IL2RA: variants seen among roughly 807,000 people sequenced by gnomAD.
IL2RA encodes the protein interleukin-2 receptor subunit alpha.
In IL2RA, 24 loss-of-function variants were observed where a neutral mutation model predicts 37.8. The ratio of observed to expected loss-of-function variants is 0.63; its 90% CI spans 0.46 to 0.89. The LOEUF is 0.89. IL2RA is among the 40% of genes least tolerant of loss of function. The pLI, the probability that IL2RA is intolerant of heterozygous loss-of-function variation, is 0.00. For missense variants in IL2RA, 319 were observed against 348.6 expected (o/e 0.92, Z 0.68); for synonymous variants, 125 against 114.6 (o/e 1.09, Z -0.58).
In IL2RA at chr10:6,020,913, C is replaced by G. The variant is rs1228996526; in HGVS notation, c.583+565G>C. Among the ~76,000 whole-genome samples, 1 of 147,968 alleles carries G rather than the reference C, an allele frequency of 6.8e-6. No homozygotes were observed. The highest frequency in any genetic ancestry group is 2.5e-5 in the African/African-American group (1 of 40,108). On this transcript the variant is annotated intron_variant, in intron 4 of 7. Transcript: ENST00000379959. This position sits in a 1 kb window ranked among gnomAD's most constrained non-coding sequence, Gnocchi z 5.6. The stretch of plus-strand genomic sequence containing the variant: ...AGCAGGAGACCTCGACATCGGTGGG[C>G]TGAGCATTTGCATGAGTATGTGTGT...
In IL2RA at chr10:6,014,871, C is replaced by T. The variant is rs1839250852; in HGVS notation, c.795-1975G>A. On this transcript the variant is annotated intron_variant, in intron 7 of 7. Transcript: ENST00000379959. This position sits in a 1 kb window ranked among gnomAD's most constrained non-coding sequence, Gnocchi z 4.4. ...GGAGTATGTTATGGACCTGATGACC[C>T]ATATAAGAAGGGAAGAGATATTTTA... is the stretch of plus-strand genomic sequence containing the variant. Among the ~76,000 whole-genome samples, 3 of 151,966 alleles carry T rather than the reference C, an allele frequency of 2.0e-5. No individual in the cohort carries two copies. The highest frequency in any genetic ancestry group is 2.0e-4 in the Admixed American group (3 of 15,252).
rs1172859404 is a variant in IL2RA at position 6,058,112 on chromosome 10, GT to G, written c.64+3975del. Among the ~76,000 whole-genome samples the G allele has an allele frequency of 7.9e-5, 12 of 152,066 alleles. No homozygotes were observed. The highest frequency in any genetic ancestry group is 2.9e-4 in the African/African-American group (12 of 41,398). ...ACTGCACTCCAGCCTGAGTGACAGAGTGAGACCCTGTCTCAAAAAGGAAGAG... is the reference window on the plus strand; with the variant it reads ...ACTGCACTCCAGCCTGAGTGACAGAGGAGACCCTGTCTCAAAAAGGAAGAG... On this transcript the variant is annotated intron_variant, in intron 1 of 7. Coordinates refer to ENST00000379959, the MANE Select transcript of IL2RA (RefSeq NM_000417.3). The surrounding 1 kb of genome is among the most constrained non-coding windows in gnomAD (Gnocchi z 4.2).
chr10:6,026,181 G>T, intron 1 of IL2RA, 156 bp from the exon 2 acceptor site: 1 of 757,968 alleles, frequency 1.3e-6, no homozygotes, highest in Non-Finnish European at 2.2e-6. Context: ...TGCTACCATT[G>T]TTCTTTAGAA....
chr10:6,024,821 T>A (rs1271632410), intron 2 of IL2RA, among the ~76,000 whole-genome samples: 1 of 152,232 alleles, frequency 6.6e-6, no homozygotes. Context: ...AGACGCCATC[T>A]TAACACAATG....
rs943467582 is a variant in IL2RA at position 6,058,402 on chromosome 10, A to G, written c.64+3686T>C. ...ATTTATCAAACTGCCTATTTAAGGCATGCTGTTTTAAGGAAAGTAGCAACT... is the reference window on the plus strand; with the variant it reads ...ATTTATCAAACTGCCTATTTAAGGCGTGCTGTTTTAAGGAAAGTAGCAACT... On this transcript the variant is annotated intron_variant, in intron 1 of 7. Coordinates refer to ENST00000379959, the MANE Select transcript of IL2RA (RefSeq NM_000417.3). This position sits in a 1 kb window ranked among gnomAD's most constrained non-coding sequence, Gnocchi z 4.2. Among the ~76,000 whole-genome samples, 4 of 152,246 alleles carry G rather than the reference A, an allele frequency of 2.6e-5. No homozygotes were observed. Among genetic ancestry groups the G allele is most frequent in the African/African-American group, 2.4e-5 (1 of 41,466 alleles).
At chr10:6,013,494 C>G (rs1839225691) in intron 7 of IL2RA, among the ~76,000 whole-genome samples, 1 of 152,146 alleles carries the variant, frequency 6.6e-6, no homozygotes, top group African/African-American at 2.4e-5. Context: ...CCCTACTTTG[C>G]ACAGAGTTCC....
Position 6,062,155 on chromosome 10 carries a change from C to A in IL2RA, c.-4G>T. The A allele has an allele frequency of 1.2e-6, 2 of 1,613,642 alleles. No individual in the cohort carries two copies. Among genetic ancestry groups the A allele is most frequent in the Non-Finnish European group, 1.7e-6 (2 of 1,179,574 alleles). ...ACATCAGCAGGTATGAATCCATCTT[C>A]CTGACCCTTGGGACCAGCCGGGGCA... On this transcript the variant is annotated 5_prime_UTR_variant, in exon 1 of 8. Transcript: ENST00000379959.
At position 6,044,398 on chromosome 10, in the gene IL2RA, T is replaced by A. The variant is rs189498260; in HGVS notation, c.64+17690A>T. On this transcript the variant is annotated intron_variant, in intron 1 of 7. Transcript: ENST00000379959. The surrounding 1 kb of genome is among the most constrained non-coding windows in gnomAD (Gnocchi z 4.5). Reference sequence around the variant, plus strand: ...GTAGGTCAGGGCAGTTTTGCATTCATATTTATATCTGCTTTTAATTACACG... The same window carrying A: ...GTAGGTCAGGGCAGTTTTGCATTCAAATTTATATCTGCTTTTAATTACACG... Among the ~76,000 whole-genome samples, 2 of 152,380 alleles carry A rather than the reference T, an allele frequency of 1.3e-5. No individual in the cohort carries two copies. The highest frequency in any genetic ancestry group is 4.8e-5 in the African/African-American group (2 of 41,596).
In IL2RA at chr10:6,044,146, C is replaced by A. The variant is rs1055331717; in HGVS notation, c.64+17942G>T. Among the ~76,000 whole-genome samples the A allele has an allele frequency of 1.3e-5, 2 of 152,216 alleles. No homozygotes were observed. The highest frequency in any genetic ancestry group is 2.4e-5 in the African/African-American group (1 of 41,434). On this transcript the variant is annotated intron_variant, in intron 1 of 7. Transcript: ENST00000379959. The surrounding 1 kb of genome is among the most constrained non-coding windows in gnomAD (Gnocchi z 4.5). ...AGCTGAATTCAACACAATGATTAAGCCTAGAGCATCTTCCTAGAGAAGGTG... is the reference window on the plus strand; with the variant it reads ...AGCTGAATTCAACACAATGATTAAGACTAGAGCATCTTCCTAGAGAAGGTG...
At position 6,048,182 on chromosome 10, in the gene IL2RA, G is replaced by A. The variant is rs1839896068; in HGVS notation, c.64+13906C>T. ...ACAGGAAGGCTGTCATGGGAGTCCTGAGGTGGGTGGTGATAAGTAAGCAAG... is the reference window on the plus strand; with the variant it reads ...ACAGGAAGGCTGTCATGGGAGTCCTAAGGTGGGTGGTGATAAGTAAGCAAG... On this transcript the variant is annotated intron_variant, in intron 1 of 7. Transcript: ENST00000379959. The surrounding 1 kb of genome is among the most constrained non-coding windows in gnomAD (Gnocchi z 5.3). 6.6e-6 allele frequency among the ~76,000 whole-genome samples: 1 copy of A among 152,274 alleles called. No individual in the cohort carries two copies.
At chr10:6,013,831 A>AT (rs1839231678) in intron 7 of IL2RA, among the ~76,000 whole-genome samples, 5 of 94,204 alleles carry the variant, frequency 5.3e-5, no homozygotes, top group African/African-American at 8.9e-5. Context: ...TAAATATTTT[A>AT]ATTTTTTTTT....
chr10:6,019,055 C>T (rs1032442153), intron 6 of IL2RA, among the ~76,000 whole-genome samples: 2 of 152,032 alleles, frequency 1.3e-5, no homozygotes, highest in Non-Finnish European at 2.9e-5. Context: ...AACCCACCAA[C>T]CAACCTATCA....
In IL2RA at chr10:6,044,423, G is replaced by T. The variant is rs1399582688; in HGVS notation, c.64+17665C>A. ...TATTTATATCTGCTTTTAATTACAC[G>T]CAGTTTAAGGGGCAGTTTGCAGAAA... On this transcript the variant is annotated intron_variant, in intron 1 of 7. Coordinates refer to ENST00000379959, the MANE Select transcript of IL2RA (RefSeq NM_000417.3). This position sits in a 1 kb window ranked among gnomAD's most constrained non-coding sequence, Gnocchi z 4.5. Among the ~76,000 whole-genome samples, 3 of 152,184 alleles carry T rather than the reference G, an allele frequency of 2.0e-5. No homozygotes were observed. The highest frequency in any genetic ancestry group is 4.4e-5 in the Non-Finnish European group (3 of 68,036).
intron 1 of IL2RA, among the ~76,000 whole-genome samples, chr10:6,051,166 C>A (rs1839948866): frequency 6.6e-6 from 1 of 151,956 alleles, no homozygotes; most frequent in Non-Finnish European, 1.5e-5. Flanking sequence ...AGAGGTGCTA[C>A]CACAAGGACC....
rs1421913425 is a variant in IL2RA at position 6,028,216 on chromosome 10, T to G, written c.65-2191A>C. Among the ~76,000 whole-genome samples, 1 of 151,946 alleles carries G rather than the reference T, an allele frequency of 6.6e-6. No individual in the cohort carries two copies. The highest frequency in any genetic ancestry group is 1.5e-5 in the Non-Finnish European group (1 of 68,010). ...ATGACTGGGATTTGTGGGGTGGGGCTCTGGAGAGGACACTGCATGAAGGTC... is the reference window on the plus strand; with the variant it reads ...ATGACTGGGATTTGTGGGGTGGGGCGCTGGAGAGGACACTGCATGAAGGTC... On this transcript the variant is annotated intron_variant, in intron 1 of 7. Transcript: ENST00000379959. The surrounding 1 kb of genome is among the most constrained non-coding windows in gnomAD (Gnocchi z 4.1).
At chr10:6,019,337 A>T in intron 6 of IL2RA, 91 bp downstream of exon 6, 1 of 957,908 alleles carries the variant, frequency 1.0e-6, no homozygotes, top group Non-Finnish European at 1.7e-6. Context: ...CCAACCTACC[A>T]GCCAACCAAC....
chr10:6,037,413 T>G (rs571584847), intron 1 of IL2RA, among the ~76,000 whole-genome samples: 1 of 152,288 alleles, frequency 6.6e-6, no homozygotes, highest in African/African-American at 2.4e-5. Flanking sequence ...TGAAGTTGTT[T>G]TACTCTTAGC....
In IL2RA at chr10:6,047,307, C is replaced by G. The variant is rs528054944; in HGVS notation, c.64+14781G>C. On this transcript the variant is annotated intron_variant, in intron 1 of 7. Transcript: ENST00000379959. This position sits in a 1 kb window ranked among gnomAD's most constrained non-coding sequence, Gnocchi z 5.0. ...ATGCTGGTGGGGTCAGGAGTGTGGC[C>G]TGTGCCACACTCAGAACGCGGGATG... Among the ~76,000 whole-genome samples the G allele has an allele frequency of 3.9e-5, 6 of 152,304 alleles. No individual in the cohort carries two copies. Among genetic ancestry groups the G allele is most frequent in the African/African-American group, 1.4e-4 (6 of 41,576 alleles).
chr10:6,018,397 G>A lies in IL2RA; in HGVS notation c.728-278C>T, dbSNP rs955194860. On this transcript the variant is annotated intron_variant, in intron 6 of 7. Transcript: ENST00000379959. This position sits in a 1 kb window ranked among gnomAD's most constrained non-coding sequence, Gnocchi z 5.1. ...CAGAAAGGCTCAGAGGCCAGGCCTC[G>A]TTTAAGGACACCGAGAGCGCCTGGT... is the stretch of plus-strand genomic sequence containing the variant. Among the ~76,000 whole-genome samples, 4 of 151,996 alleles carry A rather than the reference G, an allele frequency of 2.6e-5. No homozygotes were observed. The highest frequency in any genetic ancestry group is 6.5e-5 in the Admixed American group (1 of 15,268).
Sources: allele counts gnomAD v4.1 joint callset (sites outside exome capture counted in the v4.1 genomes callset), GRCh38; gene constraint gnomAD v4.1.1; non-coding constraint Gnocchi (gnomAD v3.1); transcripts MANE v1.5; gene names NCBI Gene and HGNC (gene_info 2026-07-23, HGNC 2026-07-21).